Variants in CFAP46 observed in about 807,000 individuals in gnomAD.
The protein encoded by CFAP46 is cilia and flagella associated protein 46.
Under a neutral mutation model 325.7 loss-of-function variants are expected in CFAP46, and 245 were observed. The ratio of observed to expected loss-of-function variants is 0.75; its 90% CI spans 0.68 to 0.84. The LOEUF (loss-of-function observed/expected upper bound fraction) is 0.84, where lower values mean the gene tolerates loss of function less well. Among genes scored for constraint, CFAP46 ranks in the 40% least tolerant of loss-of-function variants. The pLI is 0.00. For missense variants in CFAP46, 3,346 were observed against 3,543.0 expected (o/e 0.94, Z 1.41); for synonymous variants, 1,523 against 1,495.9 (o/e 1.02, Z -0.42).
chr10:132,870,285 A>G (rs1293860808), intron 32 of CFAP46, among the ~76,000 whole-genome samples: 1 of 152,046 alleles, frequency 6.6e-6, no homozygotes, highest in African/African-American at 2.4e-5. Flanking sequence ...TCCCCAAGAC[A>G]CAGAAATTTT....
chr10:132,838,525 C>T (rs369022991), intron 44 of CFAP46, among the ~76,000 whole-genome samples: 3 of 152,270 alleles, frequency 2.0e-5, no homozygotes, highest in Admixed American at 6.5e-5. Flanking sequence ...GCTTTTCTGC[C>T]GGGCCTCTGG....
chr10:132,836,789 C>T lies in CFAP46; in HGVS notation c.6536+28G>A, dbSNP rs115998267. The T allele has an allele frequency of 1.4e-3, 2,157 of 1,580,974 alleles. 27 individuals carry two copies. In the African/African-American group the frequency reaches 0.026, roughly 19 times the overall value. On this transcript the variant is annotated intron_variant, in intron 45 of 57. Coordinates refer to ENST00000368586, the MANE Select transcript of CFAP46 (RefSeq NM_001200049.3). ...CTGAGGCCTCTCAGCGGGCTGGGGG[C>T]GGCCTCAACAAGAAGGAGCGGCTTT...
At chr10:132,908,784 G>A (rs1297982428) in intron 21 of CFAP46, 150 bp from the exon 22 acceptor site, 66 of 1,013,116 alleles carry the variant, frequency 6.5e-5, no homozygotes, top group Non-Finnish European at 8.1e-5. Flanking sequence ...GAGCTGCCAC[G>A]TCCGTGCCTG....
rs375536859 is a variant in CFAP46, at chr10:132,818,421, C to T, written c.7118-3507G>A. 3.9e-5 allele frequency among the ~76,000 whole-genome samples: 6 copies of T among 152,110 alleles called. 1 individual carries two copies. The highest frequency in any genetic ancestry group is 1.2e-4 in the African/African-American group (5 of 41,462). ...AGGTGAAGAAAGATTTTAAAAACCCCGAACACACCTAATGACAAACCACAG... is the reference window on the plus strand; with the variant it reads ...AGGTGAAGAAAGATTTTAAAAACCCTGAACACACCTAATGACAAACCACAG... On this transcript the variant is annotated intron_variant, in intron 50 of 57. Coordinates refer to ENST00000368586, the MANE Select transcript of CFAP46 (RefSeq NM_001200049.3).
At chr10:132,863,991 T>A (rs994756004) in intron 35 of CFAP46, among the ~76,000 whole-genome samples, 3 of 134,184 alleles carry the variant, frequency 2.2e-5, no homozygotes, top group Non-Finnish European at 3.1e-5. Context: ...CATACACCTG[T>A]CCCCAGTGCC....
rs998356051 is a variant in CFAP46 at position 132,852,049 on chromosome 10, G to C, written c.5575-744C>G. Among the ~76,000 whole-genome samples the C allele has an allele frequency of 1.3e-4, 20 of 151,816 alleles. No individual in the cohort carries two copies. In the South Asian group the frequency reaches 2.7e-3, roughly 21 times the overall value. Reference sequence around the variant, plus strand: ...CATTCTCAGATCCTGATCCACAGACGTGGTATGTTCCTCCATTTACTTAAG... The same window carrying C: ...CATTCTCAGATCCTGATCCACAGACCTGGTATGTTCCTCCATTTACTTAAG... On this transcript the variant is annotated intron_variant, in intron 39 of 57. Coordinates refer to ENST00000368586, the MANE Select transcript of CFAP46 (RefSeq NM_001200049.3).
chr10:132,925,189 G>C (rs1263490879), intron 10 of CFAP46, among the ~76,000 whole-genome samples: 1 of 152,268 alleles, frequency 6.6e-6, no homozygotes, highest in Non-Finnish European at 1.5e-5. Context: ...CCTGGGGCCT[G>C]TGCTCGCTAC....
chr10:132,838,082 A>G (rs1228446150), intron 44 of CFAP46, among the ~76,000 whole-genome samples: 1 of 152,224 alleles, frequency 6.6e-6, no homozygotes, highest in African/African-American at 2.4e-5. Flanking sequence ...CTGGGATGCC[A>G]GTCGGCTGTG....
Position 132,859,173 on chromosome 10 carries a change from T to C in CFAP46, c.5273A>G (p.Lys1758Arg). 1.9e-6 allele frequency: 3 copies of C among 1,550,746 alleles called. No individual in the cohort carries two copies. The South Asian group carries it at 3.6e-5, about 18-fold the overall frequency. Residue 1758 changes from lysine to arginine, a missense_variant, in exon 38 of 58, where the codon AAA (lysine) becomes AGA (arginine). Physicochemically the swap from Lys to Arg is conservative, Grantham distance 26 (BLOSUM62 2). Coordinates refer to ENST00000368586, the MANE Select transcript of CFAP46 (RefSeq NM_001200049.3). The part of the protein sequence containing the change: ...TEPTECSLLL[K>R]EMDDGLLEIE... ...TTCCAACAGGCCATCATCCATCTCTTTCAGTAGCAACGAGCACTCTGTGGG... is the reference window on the plus strand; with the variant it reads ...TTCCAACAGGCCATCATCCATCTCTCTCAGTAGCAACGAGCACTCTGTGGG...
chr10:132,920,424 G>A (rs1849705805), intron 13 of CFAP46, among the ~76,000 whole-genome samples: 1 of 152,158 alleles, frequency 6.6e-6, no homozygotes, highest in Admixed American at 6.5e-5. Flanking sequence ...GAGGCTCCAG[G>A]AACTTTGGAG....
chr10:132,908,575 CAG>C lies in CFAP46; in HGVS notation c.2815_2816del (p.Leu939AspfsTer12), dbSNP rs1849493878. 2 of 1,550,230 alleles carry C rather than the reference CAG, an allele frequency of 1.3e-6. No individual in the cohort carries two copies. The highest frequency in any genetic ancestry group is 4.9e-5 in the East Asian group (2 of 40,906). On this transcript the variant is annotated frameshift_variant, in exon 22 of 58. Transcript: ENST00000368586. LOFTEE classifies it high-confidence loss of function. ...WSDPLVELQT[L>X]TRLTHFAHAA... The stretch of plus-strand genomic sequence containing the variant: ...CATGGGCGAAGTGGGTCAGCCGCGT[CAG>C]GGTCTGCAGCTCCACCAGGGGGTCC...
At chr10:132,824,098 C>T (rs540678900) in intron 50 of CFAP46, among the ~76,000 whole-genome samples, 956 of 94,740 alleles carry the variant, frequency 0.01, 16 homozygotes, top group African/African-American at 0.018. Flanking sequence ...GCTGTGTGTG[C>T]GGTGATGTGT....
rs1347191781 is a variant in CFAP46 at position 132,886,508 on chromosome 10, C to T, written c.3305-549G>A. 6.6e-6 allele frequency among the ~76,000 whole-genome samples: 1 copy of T among 152,174 alleles called. No homozygotes were observed. Among genetic ancestry groups the T allele is most frequent in the African/African-American group, 2.4e-5 (1 of 41,446 alleles). Reference sequence around the variant, plus strand: ...CTGCCTGCCGGGAGGTGAGCCCCACCCAGCCTCCATAGGGCGCCCTGTGGG... The same window carrying T: ...CTGCCTGCCGGGAGGTGAGCCCCACTCAGCCTCCATAGGGCGCCCTGTGGG... On this transcript the variant is annotated intron_variant, in intron 25 of 57. Transcript: ENST00000368586. The surrounding 1 kb of genome is among the most constrained non-coding windows in gnomAD (Gnocchi z 5.8).
intron 5 of CFAP46, among the ~76,000 whole-genome samples, chr10:132,938,245 G>A (rs776515389): frequency 6.6e-6 from 1 of 152,214 alleles, no homozygotes; most frequent in Non-Finnish European, 1.5e-5. Context: ...TTAGTTTTAC[G>A]CTGTTAAAAC....
In CFAP46 at chr10:132,918,404, T is replaced by C. The variant is rs1345635954; in HGVS notation, c.1975A>G (p.Ile659Val). The C allele has an allele frequency of 3.1e-5, 48 of 1,546,842 alleles. No homozygotes were observed. Among genetic ancestry groups the C allele is most frequent in the Non-Finnish European group, 2.5e-5 (29 of 1,145,144 alleles). Residue 659 changes from isoleucine to valine, a missense_variant, in exon 16 of 58, where the codon ATC becomes GTC. Transcript: ENST00000368586. ...LLRKFAEVGFIHAEATVHLLR... is the reference protein window; with the variant it reads ...LLRKFAEVGFVHAEATVHLLR... ...TCTCCATGACGCACCTCAGCATGGA[T>C]GAACCCCACCTCCGCGAACTTCCGC...
chr10:132,936,720 C>T (rs1850014122), intron 7 of CFAP46, among the ~76,000 whole-genome samples: 1 of 152,256 alleles, frequency 6.6e-6, no homozygotes, highest in Admixed American at 6.5e-5. Context: ...CCGCCCTCTC[C>T]CTTCTGTGGC....
In CFAP46 at chr10:132,886,199, T is replaced by C. The variant is rs2135400701; in HGVS notation, c.3305-240A>G. Among the ~76,000 whole-genome samples the C allele has an allele frequency of 6.6e-6, 1 of 152,282 alleles. No homozygotes were observed. Among genetic ancestry groups the C allele is most frequent in the South Asian group, 2.1e-4 (1 of 4,828 alleles). On this transcript the variant is annotated intron_variant, in intron 25 of 57. Coordinates refer to ENST00000368586, the MANE Select transcript of CFAP46 (RefSeq NM_001200049.3). This position sits in a 1 kb window ranked among gnomAD's most constrained non-coding sequence, Gnocchi z 5.8. Reference sequence around the variant, plus strand: ...CGTTGCAGGAAGCAGCTGTCTTGTCTCCTTGCTGCCTGTCACTCTCCATCT... The same window carrying C: ...CGTTGCAGGAAGCAGCTGTCTTGTCCCCTTGCTGCCTGTCACTCTCCATCT...
At position 132,919,509 on chromosome 10, in the gene CFAP46, A is replaced by G. The variant is rs1244551606; in HGVS notation, c.1731-67T>C. The G allele has an allele frequency of 1.3e-6, 2 of 1,493,116 alleles. No homozygotes were observed. Among genetic ancestry groups the G allele is most frequent in the African/African-American group, 1.4e-5 (1 of 70,770 alleles). 92.5% of individuals were successfully genotyped at this position (1,493,116 alleles called of 1,614,324 possible). A position where few individuals can be genotyped will look rare whatever the true frequency, so the allele number is the denominator to read the frequency against. On this transcript the variant is annotated intron_variant, in intron 14 of 57. Transcript: ENST00000368586. The surrounding 1 kb of genome is among the most constrained non-coding windows in gnomAD (Gnocchi z 9.7). Reference sequence around the variant, plus strand: ...AGTGTGGTTGCTGAAGTTAGAAAACACCTGGGCTGGCTGCCTGAGAAAAGG... The same window carrying G: ...AGTGTGGTTGCTGAAGTTAGAAAACGCCTGGGCTGGCTGCCTGAGAAAAGG...
intron 11 of CFAP46, among the ~76,000 whole-genome samples, chr10:132,923,828 G>A (rs963843290): frequency 6.6e-6 from 1 of 152,178 alleles, no homozygotes; most frequent in African/African-American, 2.4e-5. Flanking sequence ...ACTGTGCTAA[G>A]TTAAGGGTGC....
Sources: allele counts gnomAD v4.1 joint callset (sites outside exome capture counted in the v4.1 genomes callset), GRCh38; gene constraint gnomAD v4.1.1; non-coding constraint Gnocchi (gnomAD v3.1); transcripts MANE v1.5; gene names NCBI Gene and HGNC (gene_info 2026-07-23, HGNC 2026-07-21).